DNAH12: variants seen among roughly 807,000 people sequenced by gnomAD.
The protein encoded by DNAH12 is dynein axonemal heavy chain 12.
DNAH12 carries 285 observed loss-of-function variants against 371.5 expected under a neutral mutation model. The observed-to-expected ratio is 0.77, with a 90% CI of 0.70 to 0.85. The LOEUF (loss-of-function observed/expected upper bound fraction) is 0.85, where lower values mean the gene tolerates loss of function less well. DNAH12 is among the 40% of genes least tolerant of loss of function. DNAH12 has a pLI of 0.00. For missense variants in DNAH12, 3,611 were observed against 3,689.4 expected, an observed-to-expected ratio of 0.98 and a Z score of 0.55; for synonymous variants, 1,200 against 1,213.0, an observed-to-expected ratio of 0.99 and a Z score of 0.22.
At chr3:57,344,538 C>T (rs1222824041) in intron 60 of DNAH12, among the ~76,000 whole-genome samples, 1 of 152,002 alleles carries the variant, frequency 6.6e-6, no homozygotes, top group Non-Finnish European at 1.5e-5. Context: ...ATGGAATCAA[C>T]CTAAGTGTTC....
chr3:57,414,500 T>C (rs573431401), intron 38 of DNAH12, among the ~76,000 whole-genome samples: 3 of 152,294 alleles, frequency 2.0e-5, no homozygotes, highest in East Asian at 3.9e-4. Context: ...GTAATAAGCA[T>C]AGTACCCAAT....
intron 4 of DNAH12, chr3:57,519,964 T>G (rs2068349601): frequency 1.2e-6 from 1 of 862,664 alleles, no homozygotes; most frequent in African/African-American, 1.7e-5. Flanking sequence ...GCTCCTGGAG[T>G]GAGAGGTCAG....
chr3:57,304,394 C>A (rs144931797), intron 69 of DNAH12, among the ~76,000 whole-genome samples: 1,611 of 152,304 alleles, frequency 0.011, 13 homozygotes, highest in Non-Finnish European at 0.016. Context: ...AGGAATATCT[C>A]ACCAATTTTA....
At chr3:57,474,219 A>G (rs2066452875) in intron 13 of DNAH12, among the ~76,000 whole-genome samples, 1 of 152,244 alleles carries the variant, frequency 6.6e-6, no homozygotes, top group Admixed American at 6.5e-5. Context: ...ATAATGGTAT[A>G]TGAAGACATT....
intron 66 of DNAH12, among the ~76,000 whole-genome samples, chr3:57,311,910 T>C (rs2061591242): frequency 6.6e-6 from 1 of 152,232 alleles, no homozygotes; most frequent in Admixed American, 6.5e-5. Flanking sequence ...ATCATTTGCA[T>C]AGTTTTTATA....
chr3:57,339,881 G>A (rs2153312838), intron 60 of DNAH12, among the ~76,000 whole-genome samples: 1 of 152,180 alleles, frequency 6.6e-6, no homozygotes, highest in East Asian at 1.9e-4. Context: ...ACCAACCTGG[G>A]CAACATGGCA....
chr3:57,547,352 C>T (rs1475912667), upstream of DNAH12, among the ~76,000 whole-genome samples: 6 of 151,084 alleles, frequency 4.0e-5, no homozygotes, highest in Non-Finnish European at 8.8e-5. Flanking sequence ...GAGACAAAGT[C>T]TCACAATGTT....
chr3:57,488,446 C>T (rs2067009652), intron 12 of DNAH12, among the ~76,000 whole-genome samples: 1 of 152,108 alleles, frequency 6.6e-6, no homozygotes, highest in African/African-American at 2.4e-5. Flanking sequence ...CCCTCCTCGG[C>T]CTCCCAAAGT....
chr3:57,541,553 T>A (rs540090409), intron 2 of DNAH12, among the ~76,000 whole-genome samples: 43 of 151,608 alleles, frequency 2.8e-4, no homozygotes, highest in African/African-American at 9.4e-4. Flanking sequence ...TTTATAGCGA[T>A]GAGGGTCTCA....
At chr3:57,297,359 ATT>A (rs35527517) in intron 70 of DNAH12, 87 of 158,140 alleles carry the variant, frequency 5.5e-4, no homozygotes, top group South Asian at 2.2e-3. Flanking sequence ...CCTTAACCCT[ATT>A]TTTTTTTTTT....
At chr3:57,543,601 G>A (rs1003561213) in intron 1 of DNAH12, among the ~76,000 whole-genome samples, 28 of 151,008 alleles carry the variant, frequency 1.9e-4, no homozygotes, top group East Asian at 7.9e-4. Context: ...GATTACAGGC[G>A]TGAGCCACCG....
chr3:57,474,129 A>T (rs1321449545), intron 13 of DNAH12, among the ~76,000 whole-genome samples: 2 of 152,156 alleles, frequency 1.3e-5, no homozygotes, highest in African/African-American at 4.8e-5. Flanking sequence ...CAGACAGTCC[A>T]TTGTTGCAAA....
At chr3:57,410,049 G>A (rs773440008) in intron 39 of DNAH12, among the ~76,000 whole-genome samples, 45 of 152,250 alleles carry the variant, frequency 3.0e-4, no homozygotes, top group Non-Finnish European at 5.6e-4. Flanking sequence ...TTCTTGACTT[G>A]GGGGAATGGT....
Position 57,293,735 on chromosome 3 carries a change from G to T in DNAH12, c.*46C>A, listed in dbSNP as rs1284249179. On this transcript the variant is annotated 3_prime_UTR_variant, in exon 74 of 74. Coordinates refer to ENST00000495027, the MANE Select transcript of DNAH12 (RefSeq NM_001366028.2). ...AATGTATATATTTTAAGTAGGACAGGTTTTTTTTTTTTTAAACTTTTGGAT... is the reference window on the plus strand; with the variant it reads ...AATGTATATATTTTAAGTAGGACAGTTTTTTTTTTTTTTAAACTTTTGGAT... The T allele has an allele frequency of 1.8e-6, 2 of 1,117,792 alleles. No homozygotes were observed. The highest frequency in any genetic ancestry group is 2.5e-6 in the Non-Finnish European group (2 of 814,788). 69.2% of individuals were successfully genotyped at this position (1,117,792 alleles called of 1,614,324 possible). A position where few individuals can be genotyped will look rare whatever the true frequency, so the allele number is the denominator to read the frequency against.
At chr3:57,343,392 T>C (rs1553656881) in intron 60 of DNAH12, among the ~76,000 whole-genome samples, 1 of 152,196 alleles carries the variant, frequency 6.6e-6, no homozygotes, top group African/African-American at 2.4e-5. Flanking sequence ...AATCAAGGTT[T>C]AAGGGATCCA....
intron 66 of DNAH12, among the ~76,000 whole-genome samples, chr3:57,313,900 C>A (rs559281468): frequency 5.9e-5 from 9 of 152,286 alleles, no homozygotes; most frequent in Admixed American, 5.2e-4. Flanking sequence ...GCCATACAAG[C>A]TCTGGGGTCT....
rs572939500 is a variant in DNAH12, at chr3:57,301,191, A to G, written c.11394+544T>C. Among the ~76,000 whole-genome samples, 2 of 143,984 alleles carry G rather than the reference A, an allele frequency of 1.4e-5. 1 individual carries two copies. The allele number at this position is 143,984 out of a possible 152,430, so 94.5% of individuals were successfully genotyped here. On this transcript the variant is annotated intron_variant, in intron 70 of 73. Transcript: ENST00000495027. Reference sequence around the variant, plus strand: ...AGTTCCAGTTATTCAAGAGGATCCCAGGATTTTGAGATTACAGTGAGCTAA... The same window carrying G: ...AGTTCCAGTTATTCAAGAGGATCCCGGGATTTTGAGATTACAGTGAGCTAA...
rs886262734 is a variant in DNAH12 at position 57,410,017 on chromosome 3, T to C, written c.6021-1482A>G. Among the ~76,000 whole-genome samples, 9 of 152,260 alleles carry C rather than the reference T, an allele frequency of 5.9e-5. No homozygotes were observed. In the South Asian group the frequency reaches 1.0e-3, roughly 18 times the overall value. The stretch of plus-strand genomic sequence containing the variant: ...AAATAGGGTGCTGATTATGGTTACT[T>C]AGGTTGGGCACTACCCACAAATTCT... On this transcript the variant is annotated intron_variant, in intron 39 of 73. Coordinates refer to ENST00000495027, the MANE Select transcript of DNAH12 (RefSeq NM_001366028.2).
chr3:57,333,731 G>A (rs1011409790), intron 62 of DNAH12, among the ~76,000 whole-genome samples: 11 of 152,138 alleles, frequency 7.2e-5, no homozygotes, highest in African/African-American at 2.7e-4. Flanking sequence ...GTTGACCCCT[G>A]AACTAGCAGG....
Sources: gnomAD v4.1 joint callset for allele counts (sites outside exome capture counted in the v4.1 genomes callset) on GRCh38, gnomAD v4.1.1 for gene constraint, MANE v1.5 for transcripts, NCBI Gene and HGNC (gene_info 2026-07-23, HGNC 2026-07-21) for gene names.